ALDH1A2: variants seen among roughly 807,000 people sequenced by gnomAD.
The protein encoded by ALDH1A2 is retinal dehydrogenase 2.
A neutral mutation model predicts 60.3 loss-of-function variants in ALDH1A2; 27 were observed. The observed-to-expected ratio is 0.45, with a 90% confidence interval of 0.33 to 0.62. The LOEUF is 0.62. Among genes scored for constraint, ALDH1A2 ranks in the 20% least tolerant of loss-of-function variants. ALDH1A2 has a pLI of 0.02. For missense variants in ALDH1A2, 581 were observed against 643.8 expected, an observed-to-expected ratio of 0.90 and a Z score of 1.06; for synonymous variants, 289 against 232.4, an observed-to-expected ratio of 1.24 and a Z score of -2.21.
chr15:57,958,768 G>GTCAC (rs1424828418), intron 12 of ALDH1A2, among the ~76,000 whole-genome samples: 1 of 152,198 alleles, frequency 6.6e-6, no homozygotes, highest in Non-Finnish European at 1.5e-5. Flanking sequence ...AGCATTTTCT[G>GTCAC]TCACTCAGGG....
chr15:58,054,478 C>A (rs1896848151), intron 1 of ALDH1A2, among the ~76,000 whole-genome samples: 1 of 152,106 alleles, frequency 6.6e-6, no homozygotes, highest in South Asian at 2.1e-4. Context: ...TTCCTCTATT[C>A]TGCCTCCCCA....
At position 58,061,595 on chromosome 15, in the gene ALDH1A2, C is replaced by CAAAA. The variant is rs879500544; in HGVS notation, c.117+3935_117+3938dup. ...ATATAAAGATTTAAACTCCTTCCCT[C>CAAAA]AAAAAAAAAAAAAACAAAAAAAAAA... On this transcript the variant is annotated intron_variant, in intron 1 of 12. Transcript: ENST00000249750. 1.3e-3 allele frequency among the ~76,000 whole-genome samples: 58 copies of CAAAA among 43,206 alleles called. 1 individual carries two copies. The highest frequency in any genetic ancestry group is 2.9e-3 in the East Asian group (5 of 1,706). The allele number at this position is 43,206 out of a possible 152,430, so 28.3% of individuals were successfully genotyped here.
chr15:58,010,838 T>C (rs1357843773), intron 3 of ALDH1A2, 60 bp from the exon 4 acceptor site: 1 of 1,597,602 alleles, frequency 6.3e-7, no homozygotes, highest in African/African-American at 1.3e-5. Context: ...ATACACTAAT[T>C]TCTAGAGCAG....
intron 1 of ALDH1A2, among the ~76,000 whole-genome samples, chr15:58,026,019 A>AT (rs1404210827): frequency 2.6e-5 from 4 of 152,284 alleles, no homozygotes; most frequent in African/African-American, 9.6e-5. Flanking sequence ...GCCACATGAG[A>AT]TTTGGAGGGG....
chr15:57,992,751 G>A lies in ALDH1A2; in HGVS notation c.752C>T (p.Ala251Val). 1 of 1,614,148 alleles carries A rather than the reference G, an allele frequency of 6.2e-7. No individual in the cohort carries two copies. The highest frequency in any genetic ancestry group is 8.5e-7 in the Non-Finnish European group (1 of 1,180,002). Reference protein sequence around the residue: ...GYGPTAGAAIASHIGIDKIAF... With the variant: ...GYGPTAGAAIVSHIGIDKIAF... ...AATCTTGTCTATGCCAATGTGAGAAGCTATTGCTGCCCCAGCCGTTGGCCC... is the reference window on the plus strand; with the variant it reads ...AATCTTGTCTATGCCAATGTGAGAAACTATTGCTGCCCCAGCCGTTGGCCC... Residue 251 changes from alanine (A) to valine (V), a missense_variant, in exon 7 of 13, where the codon GCT (alanine) becomes GTT (valine). Around this residue, in one of 2 missense-constraint regions of ALDH1A2, gnomAD observed 375 missense variants for 469.7 expected, o/e 0.80. Coordinates refer to ENST00000249750, the MANE Select transcript of ALDH1A2 (RefSeq NM_003888.4).
intron 1 of ALDH1A2, among the ~76,000 whole-genome samples, chr15:58,016,368 C>T (rs1403570690): frequency 1.3e-5 from 2 of 151,812 alleles, no homozygotes; most frequent in African/African-American, 4.8e-5. Context: ...GGTCATGAAC[C>T]CCTGACCTCA....
At chr15:57,982,956 C>CT (rs1250406159) in intron 7 of ALDH1A2, among the ~76,000 whole-genome samples, 2 of 152,148 alleles carry the variant, frequency 1.3e-5, no homozygotes, top group Non-Finnish European at 2.9e-5. Context: ...ACACACTACC[C>CT]TTCTCAACAT....
At chr15:58,001,030 T>C (rs1225753847) in intron 4 of ALDH1A2, among the ~76,000 whole-genome samples, 1 of 97,342 alleles carries the variant, frequency 1.0e-5, no homozygotes, top group African/African-American at 3.5e-5. Context: ...TACTTCAAAA[T>C]TGTTAAAAAA....
chr15:58,051,694 A>G (rs1896782324), intron 1 of ALDH1A2, among the ~76,000 whole-genome samples: 1 of 152,146 alleles, frequency 6.6e-6, no homozygotes, highest in African/African-American at 2.4e-5. Flanking sequence ...ATGATAAATC[A>G]CTGGCAGAAT....
Position 58,014,241 on chromosome 15 carries a change from C to T in ALDH1A2, c.158G>A (p.Arg53Lys), listed in dbSNP as rs1212773974. 6.2e-7 allele frequency: 1 copy of T among 1,614,124 alleles called. No homozygotes were observed. Among genetic ancestry groups the T allele is most frequent in the Non-Finnish European group, 8.5e-7 (1 of 1,179,976 alleles). Residue 53 changes from arginine (R) to lysine (K), a missense_variant, in exon 2 of 13, where the codon AGA (arginine) becomes AAA (lysine). Arg to Lys is a conservative substitution (Grantham distance 26). Transcript: ENST00000249750. ...NNEWQNSESGRVFPVYNPATG... is the reference protein window; with the variant it reads ...NNEWQNSESGKVFPVYNPATG... Reference sequence around the variant, plus strand: ...GGCTGGATTATAGACAGGGAACACTCTCCCACTCTCTGAGTTCTGCCACTC... The same window carrying T: ...GGCTGGATTATAGACAGGGAACACTTTCCCACTCTCTGAGTTCTGCCACTC...
chr15:58,045,070 T>A (rs1274455610), intron 1 of ALDH1A2, among the ~76,000 whole-genome samples: 1 of 151,936 alleles, frequency 6.6e-6, no homozygotes, highest in Non-Finnish European at 1.5e-5. Context: ...AACAACCCCA[T>A]TAAAAAGTGG....
chr15:58,001,034 T>TTAAA (rs1555402200), intron 4 of ALDH1A2, among the ~76,000 whole-genome samples: 12 of 126,226 alleles, frequency 9.5e-5, no homozygotes, highest in Admixed American at 4.2e-4. Flanking sequence ...TCAAAATTGT[T>TTAAA]AAAAAAAAAA....
chr15:57,964,697 G>C (rs1445839119), intron 8 of ALDH1A2: 1 of 152,852 alleles, frequency 6.5e-6, no homozygotes, highest in Non-Finnish European at 1.5e-5. Context: ...ACATGGACTT[G>C]TGTAAAATCC....
intron 10 of ALDH1A2, 113 bp from the exon 11 acceptor site, chr15:57,961,407 GC>G: frequency 1.5e-6 from 2 of 1,320,124 alleles, no homozygotes; most frequent in South Asian, 2.5e-5. Flanking sequence ...TTTAAGTTTA[GC>G]AGTACAAAAC....
intron 1 of ALDH1A2, among the ~76,000 whole-genome samples, chr15:58,039,225 T>A (rs1161573844): frequency 6.6e-6 from 1 of 151,702 alleles, no homozygotes; most frequent in Non-Finnish European, 1.5e-5. Context: ...AGCAAGAACC[T>A]GGAATCCCTG....
At chr15:58,007,217 A>C (rs1595662448) in intron 4 of ALDH1A2, among the ~76,000 whole-genome samples, 1 of 151,972 alleles carries the variant, frequency 6.6e-6, no homozygotes, top group Non-Finnish European at 1.5e-5. Context: ...ACAGGAACCT[A>C]ATCTTTTATT....
At chr15:57,973,825 G>C (rs2140464150) in intron 7 of ALDH1A2, among the ~76,000 whole-genome samples, 1 of 152,276 alleles carries the variant, frequency 6.6e-6, no homozygotes, top group African/African-American at 2.4e-5. Context: ...ATCAAATGTA[G>C]ATTCTGTTAG....
At chr15:58,065,437 G>C in intron 1 of ALDH1A2, 97 bp downstream of exon 1, 2 of 1,083,978 alleles carry the variant, frequency 1.8e-6, no homozygotes, top group South Asian at 2.5e-5. Flanking sequence ...GACGACCCCG[G>C]CCCCGTCCCG....
chr15:57,999,637 T>C (rs140865206), intron 4 of ALDH1A2, among the ~76,000 whole-genome samples: 2,134 of 152,146 alleles, frequency 0.014, 25 homozygotes, highest in African/African-American at 0.033. Context: ...AGTTCAACCA[T>C]TGTGGAAGAC....
Sources: gnomAD v4.1 joint callset for allele counts (sites outside exome capture counted in the v4.1 genomes callset) on GRCh38, gnomAD v4.1.1 for gene constraint, gnomAD v4.1.1 regional missense constraint, MANE v1.5 for transcripts, NCBI Gene and HGNC (gene_info 2026-07-23, HGNC 2026-07-21) for gene names.